PLCL1: variants seen among roughly 807,000 people sequenced by gnomAD.
The protein encoded by PLCL1 is phospholipase C like 1 (inactive), also known as inactive phospholipase C-like protein 1.
Under a neutral mutation model 84.4 loss-of-function variants are expected in PLCL1, and 41 were observed. The observed-to-expected ratio is 0.49, with a 90% CI of 0.38 to 0.63. The LOEUF (loss-of-function observed/expected upper bound fraction) is 0.63. PLCL1 is among the 30% of genes least tolerant of loss of function. The probability of loss-of-function intolerance (pLI) is 0.00; values close to 1 mark genes in which losing one functional copy is unlikely to be tolerated. For missense variants in PLCL1, 1,206 were observed against 1,367.8 expected, an observed-to-expected ratio of 0.88 and a Z score of 1.87; for synonymous variants, 490 against 488.3, an observed-to-expected ratio of 1.00 and a Z score of -0.05.
At chr2:198,090,984 C>T (rs4850819) in intron 3 of PLCL1, among the ~76,000 whole-genome samples, 2 of 151,948 alleles carry the variant, frequency 1.3e-5, no homozygotes, top group Admixed American at 1.3e-4. Flanking sequence ...TGTATTATTA[C>T]AATGCAAATT....
intron 1 of PLCL1, among the ~76,000 whole-genome samples, chr2:197,814,255 T>C (rs1223101846): frequency 1.3e-5 from 2 of 152,214 alleles, no homozygotes; most frequent in Non-Finnish European, 2.9e-5. Context: ...TGGCATCGTG[T>C]GCTCACTTTG....
At chr2:197,917,311 T>C (rs1167064148) in intron 1 of PLCL1, among the ~76,000 whole-genome samples, 2 of 152,190 alleles carry the variant, frequency 1.3e-5, no homozygotes, top group African/African-American at 2.4e-5. Flanking sequence ...ATATTATTCA[T>C]TGATAAACAG....
chr2:197,950,539 AC>A (rs1689368508), intron 1 of PLCL1, among the ~76,000 whole-genome samples: 1 of 152,162 alleles, frequency 6.6e-6, no homozygotes, highest in Non-Finnish European at 1.5e-5. Context: ...TTAAAAGGTC[AC>A]CGAAGAGAGG....
intron 1 of PLCL1, among the ~76,000 whole-genome samples, chr2:198,053,661 T>C (rs527957664): frequency 6.6e-6 from 1 of 152,330 alleles, no homozygotes; most frequent in East Asian, 1.9e-4. Flanking sequence ...TCCAGTCCAT[T>C]TCGGTAATCT....
At chr2:197,852,068 T>C (rs1687250317) in intron 1 of PLCL1, among the ~76,000 whole-genome samples, 1 of 152,228 alleles carries the variant, frequency 6.6e-6, no homozygotes, top group Admixed American at 6.5e-5. Context: ...GCAAATGCAG[T>C]GAATGAATTC....
At chr2:197,890,878 T>C (rs182243127) in intron 1 of PLCL1, among the ~76,000 whole-genome samples, 2 of 34,416 alleles carry the variant, frequency 5.8e-5, no homozygotes, top group Admixed American at 5.1e-4. Flanking sequence ...CATATATGCA[T>C]ATATATATGC....
rs149841561 is a variant in PLCL1, at chr2:198,031,106, T to C, written c.241-52652T>C. ...TATTTCCTGGCCAGGCATAGTGATT[T>C]ACACCTGTAATCCCAGTGCTTTGTG... On this transcript the variant is annotated intron_variant, in intron 1 of 5. Coordinates refer to ENST00000428675, the MANE Select transcript of PLCL1 (RefSeq NM_006226.4). Among the ~76,000 whole-genome samples the C allele has an allele frequency of 7.0e-3, 1,063 of 151,778 alleles. 14 individuals carry two copies. The highest frequency in any genetic ancestry group is 0.012 in the Non-Finnish European group (824 of 67,962).
At chr2:198,131,009 C>G (rs960412549) in intron 5 of PLCL1, among the ~76,000 whole-genome samples, 1 of 152,144 alleles carries the variant, frequency 6.6e-6, no homozygotes, top group Non-Finnish European at 1.5e-5. Flanking sequence ...TGTGGCCTGT[C>G]TTCTCAGCTC....
At chr2:198,019,164 A>G (rs1429872235) in intron 1 of PLCL1, among the ~76,000 whole-genome samples, 2 of 152,230 alleles carry the variant, frequency 1.3e-5, no homozygotes, top group Non-Finnish European at 2.9e-5. Context: ...AGGAAAACTA[A>G]TAAACAAAAA....
chr2:197,926,898 A>G (rs999062145), intron 1 of PLCL1, among the ~76,000 whole-genome samples: 1 of 152,102 alleles, frequency 6.6e-6, no homozygotes, highest in African/African-American at 2.4e-5. Context: ...TGAAGGCTTG[A>G]TTGGGCTGGA....
chr2:198,114,773 C>A (rs1391811040), intron 5 of PLCL1, among the ~76,000 whole-genome samples: 1 of 149,966 alleles, frequency 6.7e-6, no homozygotes, highest in African/African-American at 2.4e-5. Context: ...CAAATCAGAG[C>A]AAAATGAGTT....
chr2:197,908,094 G>A (rs528098015), intron 1 of PLCL1, among the ~76,000 whole-genome samples: 1 of 152,268 alleles, frequency 6.6e-6, no homozygotes, highest in African/African-American at 2.4e-5. Flanking sequence ...ACATTGCATA[G>A]GCTTTGAGCT....
chr2:197,892,811 G>A (rs1688055717), intron 1 of PLCL1, among the ~76,000 whole-genome samples: 1 of 152,112 alleles, frequency 6.6e-6, no homozygotes, highest in African/African-American at 2.4e-5. Context: ...TGATCAACAT[G>A]GTGAAACCCT....
rs192519976 is a variant in PLCL1, at chr2:198,053,815, G to C, written c.241-29943G>C. ...TAAAGCAATTCAGATAATTGTGACTGCCATTGTTGAAGACAGGCCTTTGGA... is the reference window on the plus strand; with the variant it reads ...TAAAGCAATTCAGATAATTGTGACTCCCATTGTTGAAGACAGGCCTTTGGA... On this transcript the variant is annotated intron_variant, in intron 1 of 5. Coordinates refer to ENST00000428675, the MANE Select transcript of PLCL1 (RefSeq NM_006226.4). Among the ~76,000 whole-genome samples, 18 of 152,338 alleles carry C rather than the reference G, an allele frequency of 1.2e-4. No individual in the cohort carries two copies. In the East Asian group the frequency reaches 2.9e-3, roughly 24 times the overall value.
chr2:198,074,391 C>A (rs1198114983), intron 1 of PLCL1, among the ~76,000 whole-genome samples: 1 of 152,134 alleles, frequency 6.6e-6, no homozygotes, highest in African/African-American at 2.4e-5. Flanking sequence ...AATATTGAAG[C>A]ACATTGGGTA....
chr2:198,134,704 A>T (rs1160943492), intron 5 of PLCL1, among the ~76,000 whole-genome samples: 1 of 152,204 alleles, frequency 6.6e-6, no homozygotes, highest in Non-Finnish European at 1.5e-5. Context: ...CAGATGTAGT[A>T]CAACTGTCAT....
chr2:197,852,957 C>A (rs1478154181), intron 1 of PLCL1, among the ~76,000 whole-genome samples: 1 of 152,096 alleles, frequency 6.6e-6, no homozygotes, highest in Non-Finnish European at 1.5e-5. Context: ...CATTACCATC[C>A]ATCTCCAGAA....
At position 198,084,944 on chromosome 2, in the gene PLCL1, A is replaced by G. The variant is rs1182032525; in HGVS notation, c.1427A>G (p.Asn476Ser). 1 of 1,614,042 alleles carries G rather than the reference A, an allele frequency of 6.2e-7. No individual in the cohort carries two copies. The highest frequency in any genetic ancestry group is 2.2e-5 in the East Asian group (1 of 44,878). The change falls in exon 2 of 6, where the codon AAT (asparagine) becomes AGT (serine). Residue 476 changes from asparagine to serine, a missense_variant. Transcript: ENST00000428675. Reference sequence around the variant, plus strand: ...TTTCGAAGTGTCATAGAGGTAATAAATAAATTTGCCTTTGTTGCTTCTGAA... The same window carrying G: ...TTTCGAAGTGTCATAGAGGTAATAAGTAAATTTGCCTTTGTTGCTTCTGAA... ...VSFRSVIEVI[N>S]KFAFVASEYP...
intron 1 of PLCL1, among the ~76,000 whole-genome samples, chr2:197,989,028 A>G (rs1442602600): frequency 6.6e-6 from 1 of 152,226 alleles, no homozygotes; most frequent in Non-Finnish European, 1.5e-5. Context: ...CTATTGAGTG[A>G]AAGAACTAAC....
Sources: gnomAD v4.1 joint callset for allele counts (sites outside exome capture counted in the v4.1 genomes callset) on GRCh38, gnomAD v4.1.1 for gene constraint, MANE v1.5 for transcripts, NCBI Gene and HGNC (gene_info 2026-07-23, HGNC 2026-07-21) for gene names.